ATP11A: variants seen among roughly 807,000 people sequenced by gnomAD.
The protein encoded by ATP11A is phospholipid-transporting ATPase IH.
In ATP11A, 81 loss-of-function variants were observed where a neutral mutation model predicts 154.4. The ratio of observed to expected loss-of-function variants is 0.52; its 90% confidence interval spans 0.44 to 0.63. The LOEUF is 0.63. Ranked by LOEUF, ATP11A falls within the 30% of genes least tolerant of loss-of-function variation. The pLI is 0.00. For missense variants in ATP11A, 1,316 were observed against 1,474.3 expected, an observed-to-expected ratio of 0.89 and a Z score of 1.76; for synonymous variants, 623 against 585.9, an observed-to-expected ratio of 1.06 and a Z score of -0.91.
rs1169461258 is a variant in ATP11A at position 112,754,215 on chromosome 13, A to G, written c.40-30920A>G. 1.3e-5 allele frequency among the ~76,000 whole-genome samples: 2 copies of G among 152,216 alleles called. No homozygotes were observed. Among genetic ancestry groups the G allele is most frequent in the Non-Finnish European group, 2.9e-5 (2 of 68,034 alleles). On this transcript the variant is annotated intron_variant, in intron 1 of 29. Transcript: ENST00000375645. The surrounding 1 kb of genome is among the most constrained non-coding windows in gnomAD (Gnocchi z 5.3). Reference sequence around the variant, plus strand: ...AAATTCGTTTTCTCGCAGAAGGCAGAGAAGGCCGTGGAATAACAGGGCCGG... The same window carrying G: ...AAATTCGTTTTCTCGCAGAAGGCAGGGAAGGCCGTGGAATAACAGGGCCGG...
At chr13:112,806,092 C>G in intron 3 of ATP11A, 121 bp from the exon 4 acceptor site, 1 of 658,478 alleles carries the variant, frequency 1.5e-6, no homozygotes. Flanking sequence ...CAGTCAGGTG[C>G]CAGCAAAGGT....
chr13:112,714,374 G>A (rs1290794931), intron 1 of ATP11A, among the ~76,000 whole-genome samples: 1 of 152,180 alleles, frequency 6.6e-6, no homozygotes, highest in African/African-American at 2.4e-5. Flanking sequence ...CGTCTCTGCA[G>A]GGAAATGTTT....
rs773510564 is a variant in ATP11A, at chr13:112,712,468, GA to G, written c.39+22014del. Among the ~76,000 whole-genome samples, 3 of 152,314 alleles carry G rather than the reference GA, an allele frequency of 2.0e-5. No individual in the cohort carries two copies. The South Asian group carries it at 6.2e-4, about 32-fold the overall frequency. On this transcript the variant is annotated intron_variant, in intron 1 of 29. Coordinates refer to ENST00000375645, the MANE Select transcript of ATP11A (RefSeq NM_015205.3). ...GCTCACTGGGCCCCACAGTGTGGCTGATAGTGAGGGTCTGGGGGTGGGGGAT... is the reference window on the plus strand; with the variant it reads ...GCTCACTGGGCCCCACAGTGTGGCTGTAGTGAGGGTCTGGGGGTGGGGGAT...
chr13:112,869,487 T>TGCA (rs1169113965), intron 25 of ATP11A, among the ~76,000 whole-genome samples: 1 of 152,214 alleles, frequency 6.6e-6, no homozygotes, highest in Non-Finnish European at 1.5e-5. Flanking sequence ...GTGAGTTGAC[T>TGCA]GCAGTTATCA....
rs751650645 is a variant in ATP11A, at chr13:112,785,135, T to C, written c.40T>C (p.Cys14Arg). Reference sequence around the variant, plus strand: ...CCTAACACCGCTCTCCTTTCCGCAGTGTGCAGGAGAAGAGAATTGGGTGGA... The same window carrying C: ...CCTAACACCGCTCTCCTTTCCGCAGCGTGCAGGAGAAGAGAATTGGGTGGA... ...SLVRTLVHRY[C>R]AGEENWVDSR... Residue 14 changes from cysteine to arginine, a missense_variant and splice_region_variant, in exon 2 of 30, where the codon TGT becomes CGT. Physicochemically the swap from Cys to Arg is radical, Grantham distance 180 (BLOSUM62 -3). This residue lies in a region of ATP11A where 123 missense variants were observed against 113.7 expected (regional missense o/e 1.08). Coordinates refer to ENST00000375645, the MANE Select transcript of ATP11A (RefSeq NM_015205.3). This position sits in a 1 kb window ranked among gnomAD's most constrained non-coding sequence, Gnocchi z 4.8. 1.3e-6 allele frequency: 2 copies of C among 1,497,844 alleles called. No homozygotes were observed. The highest frequency in any genetic ancestry group is 2.4e-5 in the Admixed American group (1 of 42,382). The allele number at this position is 1,497,844 out of a possible 1,614,324, so 92.8% of individuals were successfully genotyped here. A position where few individuals can be genotyped will look rare whatever the true frequency, so the allele number is the denominator to read the frequency against.
At position 112,875,946 on chromosome 13, in the gene ATP11A, G is replaced by A. The variant is rs556269532; in HGVS notation, c.3327+5G>A. ...ACAGCAACAGAGAGAGTCCAGGTAC[G>A]GAGTGTCCCCAGCCGGGGCGGGGGT... On this transcript the variant is annotated splice_donor_5th_base_variant and intron_variant, in intron 28 of 29. Coordinates refer to ENST00000375645, the MANE Select transcript of ATP11A (RefSeq NM_015205.3). This position sits in a 1 kb window ranked among gnomAD's most constrained non-coding sequence, Gnocchi z 4.1. 10 of 1,606,404 alleles carry A rather than the reference G, an allele frequency of 6.2e-6. No individual in the cohort carries two copies. Among genetic ancestry groups the A allele is most frequent in the South Asian group, 3.3e-5 (3 of 90,968 alleles).
rs1566519344 is a variant in ATP11A, at chr13:112,813,318, G to A, written c.441+2592G>A. Among the ~76,000 whole-genome samples the A allele has an allele frequency of 2.0e-5, 3 of 152,306 alleles. No individual in the cohort carries two copies. In the South Asian group the frequency reaches 6.2e-4, roughly 32 times the overall value. ...TCCATTTGCTCGGATGTGCTGCCCA[G>A]CTCTAAGATTTTGTCATCTCAAGGA... On this transcript the variant is annotated intron_variant, in intron 5 of 29. Coordinates refer to ENST00000375645, the MANE Select transcript of ATP11A (RefSeq NM_015205.3).
At chr13:112,788,495 G>C (rs545479888) in intron 2 of ATP11A, among the ~76,000 whole-genome samples, 1 of 149,544 alleles carries the variant, frequency 6.7e-6, no homozygotes, top group Non-Finnish European at 1.5e-5. Flanking sequence ...GTCCTGATGC[G>C]TAGACTCCTG....
At position 112,785,527 on chromosome 13, in the gene ATP11A, T is replaced by G. The variant is rs1294261416; in HGVS notation, c.162+270T>G. On this transcript the variant is annotated intron_variant, in intron 2 of 29. Coordinates refer to ENST00000375645, the MANE Select transcript of ATP11A (RefSeq NM_015205.3). This position sits in a 1 kb window ranked among gnomAD's most constrained non-coding sequence, Gnocchi z 4.8. ...GACCGTGCCACAGAGGCAGTGCAGG[T>G]CTGAAGTCCAGGATCCAAACCCTAC... Among the ~76,000 whole-genome samples, 1 of 151,866 alleles carries G rather than the reference T, an allele frequency of 6.6e-6. No homozygotes were observed. Among genetic ancestry groups the G allele is most frequent in the African/African-American group, 2.4e-5 (1 of 41,328 alleles).
rs372231886 is a variant in ATP11A at position 112,857,936 on chromosome 13, G to A, written c.2521+16G>A. ...GTGGGCATAGGTGAGCTTCGTCCTT[G>A]CTGCTGGCACATCCTGGTGGCCAGG... On this transcript the variant is annotated intron_variant, in intron 21 of 29. Coordinates refer to ENST00000375645, the MANE Select transcript of ATP11A (RefSeq NM_015205.3). 2.2e-5 allele frequency: 36 copies of A among 1,613,330 alleles called. No individual in the cohort carries two copies. In the African/African-American group the frequency reaches 4.3e-4, roughly 19 times the overall value.
rs780578072 is a variant in ATP11A, at chr13:112,881,903, T to A, written c.*37T>A. On this transcript the variant is annotated 3_prime_UTR_variant, in exon 30 of 30. Transcript: ENST00000375645. ...CCCAGGCTACCAGAGCACCTGTCCC[T>A]CGGCCGCCTGGTACAGCTCCCACTC... is the stretch of plus-strand genomic sequence containing the variant. The A allele has an allele frequency of 7.3e-7, 1 of 1,367,644 alleles. No individual in the cohort carries two copies. Among genetic ancestry groups the A allele is most frequent in the Admixed American group, 1.9e-5 (1 of 52,586 alleles). 84.7% of individuals were successfully genotyped at this position (1,367,644 alleles called of 1,614,324 possible).
intron 2 of ATP11A, among the ~76,000 whole-genome samples, chr13:112,786,812 A>G (rs1053784288): frequency 2.6e-5 from 4 of 152,252 alleles, no homozygotes; most frequent in Admixed American, 2.0e-4. Context: ...GACGCATTTA[A>G]TTTACATTGG....
intron 1 of ATP11A, among the ~76,000 whole-genome samples, chr13:112,748,657 C>T (rs1181065731): frequency 3.3e-5 from 5 of 152,180 alleles, no homozygotes; most frequent in African/African-American, 1.2e-4. Flanking sequence ...TGAGCCACCA[C>T]GCCCGGCCTG....
intron 17 of ATP11A, among the ~76,000 whole-genome samples, chr13:112,845,101 G>T (rs1173126034): frequency 6.6e-6 from 1 of 150,444 alleles, no homozygotes; most frequent in Non-Finnish European, 1.5e-5. Flanking sequence ...CCAGTTGCCA[G>T]CCACTAGCGG....
Position 112,854,355 on chromosome 13 carries a change from A to G in ATP11A, c.2068A>G (p.Lys690Glu). The change falls in exon 19 of 30, where the codon AAG (lysine) becomes GAG (glutamate). Residue 690 changes from lysine to glutamate, a missense_variant. By Grantham distance (56) the Lys-to-Glu change is moderately conservative. Coordinates refer to ENST00000375645, the MANE Select transcript of ATP11A (RefSeq NM_015205.3). ...CAAAGTCTGGGTTCTCACGGGAGAC[A>G]AGATGGAGACGGCCGCGGCCACGTG... The part of the protein sequence containing the change: ...GIKVWVLTGD[K>E]METAAATCYA... 6.2e-7 allele frequency: 1 copy of G among 1,614,132 alleles called. No individual in the cohort carries two copies. The highest frequency in any genetic ancestry group is 8.5e-7 in the Non-Finnish European group (1 of 1,180,030).
At chr13:112,704,915 C>T (rs1326922677) in intron 1 of ATP11A, among the ~76,000 whole-genome samples, 1 of 152,256 alleles carries the variant, frequency 6.6e-6, no homozygotes, top group East Asian at 1.9e-4. Context: ...AAATGGCTTT[C>T]AGACCTCAGC....
intron 1 of ATP11A, among the ~76,000 whole-genome samples, chr13:112,705,178 T>C (rs370386654): frequency 6.6e-6 from 1 of 152,362 alleles, no homozygotes; most frequent in East Asian, 1.9e-4. Flanking sequence ...GAAAGCAACA[T>C]GTAAAAAGAA....
rs1044584626 is a variant in ATP11A, at chr13:112,731,944, G to C, written c.39+41489G>C. Among the ~76,000 whole-genome samples the C allele has an allele frequency of 9.0e-4, 130 of 144,060 alleles. 1 individual carries two copies. The highest frequency in any genetic ancestry group is 1.9e-3 in the Non-Finnish European group (124 of 66,188). 94.5% of individuals were successfully genotyped at this position (144,060 alleles called of 152,430 possible). ...ATGGTGGAGAAATGGGGGCGGGGGGGGGCAGGTGGCCCATGTTCCGGTGTG... is the reference window on the plus strand; with the variant it reads ...ATGGTGGAGAAATGGGGGCGGGGGGCGGCAGGTGGCCCATGTTCCGGTGTG... On this transcript the variant is annotated intron_variant, in intron 1 of 29. Coordinates refer to ENST00000375645, the MANE Select transcript of ATP11A (RefSeq NM_015205.3).
intron 22 of ATP11A, 153 bp downstream of exon 22, chr13:112,858,443 A>G (rs778638601): frequency 2.5e-6 from 2 of 799,758 alleles, no homozygotes; most frequent in Non-Finnish European, 3.7e-6. Flanking sequence ...GATTGCAGTC[A>G]TCTCTTGCTT....
Sources: gnomAD v4.1 joint callset for allele counts (sites outside exome capture counted in the v4.1 genomes callset) on GRCh38, gnomAD v4.1.1 for gene constraint, gnomAD v4.1.1 regional missense constraint, Gnocchi (gnomAD v3.1) non-coding constraint, MANE v1.5 for transcripts, NCBI Gene and HGNC (gene_info 2026-07-23, HGNC 2026-07-21) for gene names.